Variants in MAPK14 observed in about 807,000 individuals in gnomAD.
The protein encoded by MAPK14 is mitogen-activated protein kinase 14.
Under a neutral mutation model 49.6 loss-of-function variants are expected in MAPK14, and 16 were observed. The observed-to-expected ratio is 0.32, with a 90% CI of 0.22 to 0.49. The LOEUF is 0.49. Ranked by LOEUF, MAPK14 falls within the 20% of genes least tolerant of loss-of-function variation. The pLI, the probability that MAPK14 is intolerant of heterozygous loss-of-function variation, is 0.99. For missense variants in MAPK14, 200 were observed against 441.2 expected, an observed-to-expected ratio of 0.45 and a Z score of 4.90; for synonymous variants, 142 against 158.0, an observed-to-expected ratio of 0.90 and a Z score of 0.76.
chr6:36,085,743 A>G (rs988486632), intron 8 of MAPK14, among the ~76,000 whole-genome samples: 13 of 152,166 alleles, frequency 8.5e-5, no homozygotes, highest in African/African-American at 3.1e-4. Flanking sequence ...CCCACTGTCA[A>G]TATTAGACAG....
intron 1 of MAPK14, among the ~76,000 whole-genome samples, chr6:36,040,780 C>G (rs1016759425): frequency 3.3e-5 from 5 of 152,166 alleles, no homozygotes; most frequent in African/African-American, 1.2e-4. Context: ...TCCCTAGTGT[C>G]TCTTCTGGTA....
At chr6:36,058,586 G>T (rs1028048577) in intron 2 of MAPK14, among the ~76,000 whole-genome samples, 2 of 152,162 alleles carry the variant, frequency 1.3e-5, no homozygotes, top group African/African-American at 4.8e-5. Context: ...AGCTGGTTTT[G>T]AATTAGTTCC....
chr6:36,036,608 G>T (rs1762759922), intron 1 of MAPK14, among the ~76,000 whole-genome samples: 1 of 152,092 alleles, frequency 6.6e-6, no homozygotes, highest in Admixed American at 6.6e-5. Flanking sequence ...TTATCACCCT[G>T]AGTAGTCAGC....
At chr6:36,054,418 A>G (rs1334589866) in intron 2 of MAPK14, among the ~76,000 whole-genome samples, 2 of 152,186 alleles carry the variant, frequency 1.3e-5, no homozygotes, top group African/African-American at 4.8e-5. Context: ...TGTTAAGCCA[A>G]TGTTTAGGGA....
intron 1 of MAPK14, among the ~76,000 whole-genome samples, chr6:36,029,453 A>T (rs879305747): frequency 2.0e-5 from 3 of 152,194 alleles, no homozygotes; most frequent in Non-Finnish European, 4.4e-5. Context: ...TAGATTTTCT[A>T]TAATTTGAAA....
At position 36,089,076 on chromosome 6, in the gene MAPK14, A is replaced by G. The variant is rs1411126978; in HGVS notation, c.683-6911A>G. Among the ~76,000 whole-genome samples, 7 of 152,316 alleles carry G rather than the reference A, an allele frequency of 4.6e-5. No homozygotes were observed. The East Asian group carries it at 1.4e-3, about 29-fold the overall frequency. The stretch of plus-strand genomic sequence containing the variant: ...TGGGTATATACCCAAAGGAATATAA[A>G]TCATTCTGTTACAAAGATACATGCA... On this transcript the variant is annotated intron_variant, in intron 8 of 11. Coordinates refer to ENST00000229794, the MANE Select transcript of MAPK14 (RefSeq NM_139012.3).
At chr6:36,089,525 G>T (rs1339902877) in intron 8 of MAPK14, among the ~76,000 whole-genome samples, 1 of 152,128 alleles carries the variant, frequency 6.6e-6, no homozygotes, top group East Asian at 1.9e-4. Context: ...TCCTGCACTT[G>T]TATCTCAGAA....
At chr6:36,075,673 G>C in intron 6 of MAPK14, 175 bp from the exon 7 acceptor site, 1 of 810,660 alleles carries the variant, frequency 1.2e-6, no homozygotes, top group East Asian at 2.7e-5. Context: ...TTAAGTTCTT[G>C]CTGTATATTT....
At chr6:36,047,840 A>G (rs2127411579) in intron 1 of MAPK14, among the ~76,000 whole-genome samples, 1 of 152,008 alleles carries the variant, frequency 6.6e-6, no homozygotes, top group South Asian at 2.1e-4. Context: ...GGTTCAAGCA[A>G]TTCTCCTGCC....
chr6:36,031,649 C>G (rs961762342), intron 1 of MAPK14, among the ~76,000 whole-genome samples: 3 of 152,190 alleles, frequency 2.0e-5, no homozygotes, highest in Non-Finnish European at 4.4e-5. Flanking sequence ...AGGTGATCCA[C>G]TTGCCTTGGC....
intron 8 of MAPK14, among the ~76,000 whole-genome samples, chr6:36,087,468 A>G (rs898176710): frequency 6.6e-6 from 1 of 152,208 alleles, no homozygotes; most frequent in African/African-American, 2.4e-5. Flanking sequence ...AAAAATCACA[A>G]CTATTCCTAT....
At chr6:36,114,054 T>G (rs1004676314), downstream of MAPK14, among the ~76,000 whole-genome samples, 2 of 152,226 alleles carry the variant, frequency 1.3e-5, no homozygotes, top group Non-Finnish European at 2.9e-5. Context: ...GATAATTATT[T>G]GTTGTGGAAG....
chr6:36,050,001 G>A (rs1581751301), intron 1 of MAPK14, among the ~76,000 whole-genome samples: 1 of 152,204 alleles, frequency 6.6e-6, no homozygotes, highest in Non-Finnish European at 1.5e-5. Flanking sequence ...GGAGATTTGA[G>A]AGAGAACATG....
chr6:36,029,434 C>T lies in MAPK14; in HGVS notation c.116+1161C>T, dbSNP rs141618814. Among the ~76,000 whole-genome samples the T allele has an allele frequency of 2.6e-5, 4 of 152,168 alleles. No homozygotes were observed. The East Asian group carries it at 7.7e-4, about 29-fold the overall frequency. On this transcript the variant is annotated intron_variant, in intron 1 of 11. Transcript: ENST00000229794. ...TCTCTTAACTTCCAAGGTTTTATAC[C>T]CTGTATTTTAGATTTTCTATAATTT...
At chr6:36,096,153 TGTAAGC>T in intron 9 of MAPK14, 87 bp downstream of exon 9, 1 of 910,038 alleles carries the variant, frequency 1.1e-6, no homozygotes, top group Non-Finnish European at 1.8e-6. Context: ...TGGGTGTGTT[TGTAAGC>T]ACACATGCCC....
At chr6:36,064,064 T>TTGTGTGTGTGTGTG (rs112138637) in intron 3 of MAPK14, among the ~76,000 whole-genome samples, 5 of 149,518 alleles carry the variant, frequency 3.3e-5, no homozygotes, top group Non-Finnish European at 4.5e-5. Context: ...TGCCTTTTCT[T>TTGTGTGTGTGTGTG]TGTGTGTGTG....
At chr6:36,102,672 C>T in intron 10 of MAPK14, 23 bp downstream of exon 10, 1 of 1,610,088 alleles carries the variant, frequency 6.2e-7, no homozygotes, top group East Asian at 2.2e-5. Flanking sequence ...TATATCCTCA[C>T]CTCATGGATA....
chr6:36,072,900 A>G lies in MAPK14; in HGVS notation c.333A>G (p.Ala111=). 1.9e-6 allele frequency: 3 copies of G among 1,611,662 alleles called. No individual in the cohort carries two copies. The highest frequency in any genetic ancestry group is 2.5e-6 in the Non-Finnish European group (3 of 1,178,318). Residue 111 remains alanine (A), a synonymous_variant, in exon 4 of 12, where the codon GCA becomes GCG. Coordinates refer to ENST00000229794, the MANE Select transcript of MAPK14 (RefSeq NM_139012.3). ...ATCTGGTGACCCATCTCATGGGGGC[A>G]GATCTGAACAACATTGTGAAATGTC... ...DVYLVTHLMG[A]DLNNIVKCQK... is the part of the protein sequence containing the mutation.
intron 9 of MAPK14, chr6:36,100,162 A>T (rs1194806520): frequency 6.6e-7 from 1 of 1,503,784 alleles, no homozygotes. Flanking sequence ...TGTATGTTTA[A>T]CAATGCCCTT....
Sources: gnomAD v4.1 joint callset for allele counts (sites outside exome capture counted in the v4.1 genomes callset) on GRCh38, gnomAD v4.1.1 for gene constraint, MANE v1.5 for transcripts, NCBI Gene and HGNC (gene_info 2026-07-23, HGNC 2026-07-21) for gene names.